Variants in ANO6 observed in about 807,000 individuals in gnomAD.
ANO6 encodes the protein anoctamin 6.
A neutral mutation model predicts 117.5 loss-of-function variants in ANO6; 106 were observed. The ratio of observed to expected loss-of-function variants is 0.90; its 90% CI spans 0.77 to 1.06. ANO6 has a LOEUF of 1.06. Among genes scored for constraint, ANO6 ranks in the 50% least tolerant of loss-of-function variants. ANO6 has a pLI of 0.00. For synonymous variants in ANO6, 367 were observed against 385.1 expected (o/e 0.95, Z 0.55); for missense variants, 955 against 1,121.1 (o/e 0.85, Z 2.12).
At chr12:45,362,233 T>C (rs1020564705) in intron 8 of ANO6, among the ~76,000 whole-genome samples, 11 of 152,100 alleles carry the variant, frequency 7.2e-5, no homozygotes, top group Admixed American at 6.5e-4. Context: ...TACATATTTT[T>C]CTAGGAATTC....
At position 45,348,234 on chromosome 12, in the gene ANO6, C is replaced by A. The variant is rs191289581; in HGVS notation, c.552C>A (p.Ala184=). 2.9e-5 allele frequency: 46 copies of A among 1,613,952 alleles called. No homozygotes were observed. The East Asian group carries it at 4.9e-4, about 17-fold the overall frequency. Reference sequence around the variant, plus strand: ...AGCCAGAGCAAGAGTTTTTCACTGCCCCATTTGAGAAGAACCGGATGAATG... The same window carrying A: ...AGCCAGAGCAAGAGTTTTTCACTGCACCATTTGAGAAGAACCGGATGAATG... ...IIKPEQEFFT[A]PFEKNRMNDF... The change falls in exon 5 of 20, where the codon GCC becomes GCA. Residue 184 remains alanine, a synonymous_variant. Transcript: ENST00000320560.
chr12:45,302,406 G>GT (rs1939525110), intron 2 of ANO6, among the ~76,000 whole-genome samples: 1 of 152,166 alleles, frequency 6.6e-6, no homozygotes, highest in Admixed American at 6.6e-5. Context: ...ATTGCTGTCA[G>GT]TATCTGTTGT....
chr12:45,262,473 G>T (rs972745083), intron 1 of ANO6, among the ~76,000 whole-genome samples: 51 of 151,780 alleles, frequency 3.4e-4, no homozygotes, highest in Admixed American at 3.3e-3. Context: ...GCCCAGGCTG[G>T]AGTGCAATGG....
intron 1 of ANO6, among the ~76,000 whole-genome samples, chr12:45,241,201 T>G (rs1231479729): frequency 6.6e-6 from 1 of 152,264 alleles, no homozygotes; most frequent in East Asian, 1.9e-4. Flanking sequence ...CAAACATAGA[T>G]TTGGTCTTTT....
At chr12:45,266,732 G>A (rs1477857741) in intron 1 of ANO6, among the ~76,000 whole-genome samples, 2 of 152,116 alleles carry the variant, frequency 1.3e-5, no homozygotes, top group Non-Finnish European at 2.9e-5. Context: ...AGGAAGTGGA[G>A]GTTGCCGTGA....
intron 1 of ANO6, among the ~76,000 whole-genome samples, chr12:45,267,238 C>T (rs772766247): frequency 2.0e-5 from 3 of 152,134 alleles, no homozygotes; most frequent in Non-Finnish European, 2.9e-5. Context: ...GGCTTGCTAA[C>T]GACCACCTTT....
Position 45,432,251 on chromosome 12 carries a change from C to T in ANO6, c.*2940C>T, listed in dbSNP as rs1018075828. On this transcript the variant is annotated 3_prime_UTR_variant, in exon 20 of 20. Transcript: ENST00000320560. The stretch of plus-strand genomic sequence containing the variant: ...TTTGTAATTAATGTTAATTTCTGTG[C>T]ATTTTAATATTCTTTTATAATTATT... The T allele has an allele frequency of 7.2e-6, 7 of 967,334 alleles. No homozygotes were observed. Among genetic ancestry groups the T allele is most frequent in the Non-Finnish European group, 8.6e-6 (7 of 814,168 alleles). 59.9% of individuals were successfully genotyped at this position (967,334 alleles called of 1,614,324 possible).
chr12:45,400,869 C>T (rs891288781), intron 12 of ANO6, among the ~76,000 whole-genome samples: 1 of 152,202 alleles, frequency 6.6e-6, no homozygotes, highest in Non-Finnish European at 1.5e-5. Flanking sequence ...ACCTTGAGTG[C>T]ATGGTTCTGG....
At chr12:45,235,313 G>C (rs935371112) in intron 1 of ANO6, among the ~76,000 whole-genome samples, 5 of 152,182 alleles carry the variant, frequency 3.3e-5, no homozygotes, top group African/African-American at 4.8e-5. Context: ...TGATGAAACT[G>C]TTGTATTTTC....
intron 1 of ANO6, among the ~76,000 whole-genome samples, chr12:45,274,834 T>G (rs555134454): frequency 1.2e-4 from 18 of 146,956 alleles, no homozygotes; most frequent in Non-Finnish European, 2.7e-4. Flanking sequence ...TCCCAACTCC[T>G]TTCTCATCTA....
intron 2 of ANO6, among the ~76,000 whole-genome samples, chr12:45,330,962 GTTTTT>G (rs1003010070): frequency 6.6e-6 from 1 of 151,588 alleles, no homozygotes; most frequent in African/African-American, 2.4e-5. Flanking sequence ...TGGATAGGCA[GTTTTT>G]TTTACTATGT....
At chr12:45,402,824 T>C (rs1188587085) in intron 13 of ANO6, among the ~76,000 whole-genome samples, 1 of 152,212 alleles carries the variant, frequency 6.6e-6, no homozygotes, top group Admixed American at 6.5e-5. Flanking sequence ...ACAGTTGATT[T>C]TTTTGTGGGG....
chr12:45,266,205 C>T (rs1231944701), intron 1 of ANO6, among the ~76,000 whole-genome samples: 1 of 152,150 alleles, frequency 6.6e-6, no homozygotes, highest in Non-Finnish European at 1.5e-5. Context: ...AAGTTAAAGA[C>T]TATAGGTTTA....
chr12:45,402,091 C>G, intron 13 of ANO6, 71 bp downstream of exon 13: 1 of 1,333,726 alleles, frequency 7.5e-7, no homozygotes, highest in Non-Finnish European at 1.1e-6. Context: ...AGACTGTTAT[C>G]TTTTAGGCGT....
intron 1 of ANO6, among the ~76,000 whole-genome samples, chr12:45,227,147 C>G (rs189799665): frequency 0.014 from 2,136 of 151,960 alleles, 20 homozygotes; most frequent in Non-Finnish European, 0.022. Context: ...CGCCACCATG[C>G]CTGGCTAATT....
intron 1 of ANO6, among the ~76,000 whole-genome samples, chr12:45,279,256 C>T (rs1938647069): frequency 6.6e-6 from 1 of 152,220 alleles, no homozygotes; most frequent in African/African-American, 2.4e-5. Context: ...GGAGCCTGTG[C>T]TGCCAGCCTC....
intron 1 of ANO6, among the ~76,000 whole-genome samples, chr12:45,286,655 C>G (rs1343435456): frequency 6.6e-6 from 1 of 152,242 alleles, no homozygotes; most frequent in East Asian, 1.9e-4. Context: ...GTATACCCCT[C>G]TTTTAAAAAT....
chr12:45,415,589 A>G (rs143688956), intron 16 of ANO6, among the ~76,000 whole-genome samples: 207 of 152,360 alleles, frequency 1.4e-3, no homozygotes, highest in African/African-American at 4.8e-3. Flanking sequence ...GCTGCTGCTC[A>G]TGACTCTGTA....
chr12:45,324,744 A>G (rs1014249869), intron 2 of ANO6, among the ~76,000 whole-genome samples: 10 of 152,184 alleles, frequency 6.6e-5, no homozygotes, highest in Non-Finnish European at 1.2e-4. Flanking sequence ...GCTGCAGAAG[A>G]ATTATCTGAG....
Sources: allele counts gnomAD v4.1 joint callset (sites outside exome capture counted in the v4.1 genomes callset), GRCh38; gene constraint gnomAD v4.1.1; transcripts MANE v1.5; gene names NCBI Gene and HGNC (gene_info 2026-07-23, HGNC 2026-07-21).